Variants in TENT5D observed in about 807,000 individuals in gnomAD.
TENT5D encodes terminal nucleotidyltransferase 5D, also known as cancer/testis antigen 112.
For synonymous variants in TENT5D, 103 were observed against 100.6 expected (o/e 1.02, Z -0.15); for missense variants, 191 against 287.0 (o/e 0.67, Z 2.42).
In TENT5D at chrX:80,397,266, C is replaced by A. The variant is rs749395566; in HGVS notation, c.-141-41344C>A. Among the ~76,000 whole-genome samples the A allele has an allele frequency of 5.6e-5, 6 of 106,992 alleles. No individual in the cohort carries two copies. In the South Asian group the frequency reaches 2.6e-3, roughly 46 times the overall value. 92.9% of individuals were successfully genotyped at this position (106,992 alleles called of 115,157 possible). A position where few individuals can be genotyped will look rare whatever the true frequency, so the allele number is the denominator to read the frequency against. ...CCTCCCAGACGGGGTCGCAGCTGGG[C>A]AGAGGCGCTCCTCACATCCCAGACG... On this transcript the variant is annotated intron_variant, in intron 3 of 4. Coordinates refer to the TENT5D transcript ENST00000538312.
At chrX:80,395,489 G>A (rs1195681563) in intron 3 of TENT5D, among the ~76,000 whole-genome samples, 6 of 111,903 alleles carry the variant, frequency 5.4e-5, no homozygotes, top group African/African-American at 9.7e-5. Context: ...CACCAACAGT[G>A]TGTGTTTCCT....
chrX:80,441,513 T>TC (rs1932281856), intron 2 of TENT5D, among the ~76,000 whole-genome samples: 1 of 111,326 alleles, frequency 9.0e-6, no homozygotes, highest in South Asian at 3.7e-4. Flanking sequence ...GTTTTTTATT[T>TC]CTGGAAGTCA....
intron 3 of TENT5D, among the ~76,000 whole-genome samples, chrX:80,415,141 T>C (rs188669033): frequency 8.9e-5 from 10 of 111,961 alleles, no homozygotes; most frequent in Non-Finnish European, 1.7e-4. Context: ...ACATTAGTTT[T>C]GTATCCTGAA....
At chrX:80,369,580 A>G (rs937889821) in intron 3 of TENT5D, among the ~76,000 whole-genome samples, 1 of 112,192 alleles carries the variant, frequency 8.9e-6, no homozygotes, top group African/African-American at 3.2e-5. Context: ...CCCAACAGCT[A>G]ATATTATTGT....
At chrX:80,412,592 C>T (rs1241702031) in intron 3 of TENT5D, among the ~76,000 whole-genome samples, 1 of 111,662 alleles carries the variant, frequency 9.0e-6, no homozygotes, top group African/African-American at 3.3e-5. Context: ...TACCGTAAAT[C>T]ATCTCTCTCA....
intron 3 of TENT5D, among the ~76,000 whole-genome samples, chrX:80,385,344 G>A (rs1930971695): frequency 9.1e-6 from 1 of 109,302 alleles, no homozygotes; most frequent in Non-Finnish European, 1.9e-5. Flanking sequence ...TTTAATAAAT[G>A]GTGCAGGGAA....
In TENT5D at chrX:80,438,742, ATG is replaced by A. The variant is rs1932229045; in HGVS notation, c.-19+12_-19+13del. 1 of 110,681 alleles carries A rather than the reference ATG, an allele frequency of 9.0e-6. No homozygotes were observed. Among genetic ancestry groups the A allele is most frequent in the South Asian group, 3.8e-4 (1 of 2,609 alleles). The allele number at this position is 110,681 out of a possible 1,213,427, so 9.1% of individuals were successfully genotyped here. On this transcript the variant is annotated intron_variant, in intron 2 of 2. Transcript: ENST00000308293. Reference sequence around the variant, plus strand: ...AAGCAATCCTTTCAATGTAAGTATGATGTCTTTTCTCACTGTCTTTGAAAATA... The same window carrying A: ...AAGCAATCCTTTCAATGTAAGTATGATCTTTTCTCACTGTCTTTGAAAATA...
At chrX:80,367,081 C>T (rs1930526141) in intron 3 of TENT5D, among the ~76,000 whole-genome samples, 1 of 111,266 alleles carries the variant, frequency 9.0e-6, no homozygotes, top group Admixed American at 9.6e-5. Flanking sequence ...TCTAGTAATT[C>T]CAGAGCCTAA....
intron 3 of TENT5D, among the ~76,000 whole-genome samples, chrX:80,345,396 A>G (rs1930038088): frequency 9.0e-6 from 1 of 111,466 alleles, no homozygotes. Flanking sequence ...TCCACCAAAC[A>G]TTCCAGTAGG....
At chrX:80,377,899 G>A (rs1480486410) in intron 3 of TENT5D, among the ~76,000 whole-genome samples, 2 of 111,538 alleles carry the variant, frequency 1.8e-5, no homozygotes, top group Non-Finnish European at 3.8e-5. Context: ...CAGCACCTGT[G>A]GTTTCCTGAC....
intron 3 of TENT5D, among the ~76,000 whole-genome samples, chrX:80,364,079 A>G (rs1930460095): frequency 8.9e-6 from 1 of 112,162 alleles, no homozygotes; most frequent in South Asian, 3.6e-4. Context: ...AGCTTGTGCC[A>G]TTTGACCATT....
At chrX:80,392,884 C>T (rs1056846534) in intron 3 of TENT5D, among the ~76,000 whole-genome samples, 6 of 111,326 alleles carry the variant, frequency 5.4e-5, no homozygotes, top group African/African-American at 2.0e-4. Context: ...ATTAAGATTT[C>T]AGTGATGCCC....
At chrX:80,344,565 A>AT (rs1930024888) in intron 3 of TENT5D, among the ~76,000 whole-genome samples, 1 of 109,410 alleles carries the variant, frequency 9.1e-6, no homozygotes, top group African/African-American at 3.3e-5. Flanking sequence ...GAAGATGAGC[A>AT]TTTTTTTCTT....
chrX:80,429,069 G>A (rs193229216), intron 1 of TENT5D, among the ~76,000 whole-genome samples: 4 of 110,815 alleles, frequency 3.6e-5, no homozygotes, highest in South Asian at 7.7e-4. Flanking sequence ...TGATGGAGCC[G>A]GGGGGTTGAG....
chrX:80,405,599 T>G (rs905498915), intron 3 of TENT5D, among the ~76,000 whole-genome samples: 3 of 109,928 alleles, frequency 2.7e-5, no homozygotes, highest in African/African-American at 6.6e-5. Flanking sequence ...GCTCGGAGGG[T>G]CCTACGCCCA....
chrX:80,378,935 G>A (rs1201489965), intron 3 of TENT5D, among the ~76,000 whole-genome samples: 2 of 109,434 alleles, frequency 1.8e-5, no homozygotes, highest in Non-Finnish European at 3.8e-5. Context: ...AGGCATCCCA[G>A]TCTTATGTCA....
chrX:80,402,741 G>A (rs1931410760), intron 3 of TENT5D, among the ~76,000 whole-genome samples: 1 of 111,708 alleles, frequency 9.0e-6, no homozygotes, highest in Non-Finnish European at 1.9e-5. Context: ...ATTGTGGCTG[G>A]AAAAGTTACT....
intron 1 of TENT5D, among the ~76,000 whole-genome samples, chrX:80,424,396 CT>C (rs1243728402): frequency 9.6e-4 from 107 of 111,979 alleles, no homozygotes; most frequent in African/African-American, 3.2e-3. Context: ...CTTGGTTTTA[CT>C]TTTTAAACAA....
At chrX:80,352,720 C>CAAAAAA (rs1189877322) in intron 3 of TENT5D, among the ~76,000 whole-genome samples, 2 of 19,913 alleles carry the variant, frequency 1.0e-4, no homozygotes, top group Admixed American at 6.0e-4. Context: ...AGCAAACAAA[C>CAAAAAA]AAAAAAAAAA....
Sources: gnomAD v4.1 joint callset for allele counts (sites outside exome capture counted in the v4.1 genomes callset) on GRCh38, gnomAD v4.1.1 for gene constraint, MANE v1.5 for transcripts, NCBI Gene and HGNC (gene_info 2026-07-23, HGNC 2026-07-21) for gene names.